The following RBFOX1 variants were observed in gnomAD, a reference collection of about 807,000 sequenced individuals.
The protein encoded by RBFOX1 is RNA binding fox-1 homolog 1.
RBFOX1 carries 8 observed loss-of-function variants against 57.7 expected under a neutral mutation model. The ratio of observed to expected loss-of-function variants is 0.14; its 90% CI spans 0.08 to 0.25. The LOEUF (loss-of-function observed/expected upper bound fraction) is 0.25, where lower values mean the gene tolerates loss of function less well. Ranked by LOEUF, RBFOX1 falls within the 10% of genes least tolerant of loss-of-function variation. The pLI is 1.00. For missense variants in RBFOX1, 611 were observed against 548.5 expected, an observed-to-expected ratio of 1.11 and a Z score of -1.14; for synonymous variants, 326 against 222.4, an observed-to-expected ratio of 1.47 and a Z score of -4.15.
rs145278209 is a variant in RBFOX1, at chr16:6,331,959, C to T, written c.-64+14902C>T. 7.2e-3 allele frequency among the ~76,000 whole-genome samples: 1,097 copies of T among 152,186 alleles called. 10 individuals are homozygous for T. The highest frequency in any genetic ancestry group is 0.023 in the African/African-American group (964 of 41,474). ...TTCTCATGCATGAGAGGCTGACATTCTTAATAGTTCTGTCACTCCTGTTAC... is the reference window on the plus strand; with the variant it reads ...TTCTCATGCATGAGAGGCTGACATTTTTAATAGTTCTGTCACTCCTGTTAC... On this transcript the variant is annotated intron_variant, in intron 2 of 15. Transcript: ENST00000550418.
At chr16:5,630,511 G>A (rs2048473521) in intron 3 of RBFOX1, among the ~76,000 whole-genome samples, 2 of 152,044 alleles carry the variant, frequency 1.3e-5, no homozygotes, top group African/African-American at 4.8e-5. Context: ...CATCAGATGT[G>A]CCCCACCATC....
chr16:5,775,660 A>G (rs1220197550), intron 3 of RBFOX1, among the ~76,000 whole-genome samples: 1 of 152,168 alleles, frequency 6.6e-6, no homozygotes, highest in Non-Finnish European at 1.5e-5. Flanking sequence ...GTGCCACTTC[A>G]GGGCTCCAGG....
chr16:5,991,510 A>G (rs975031384), intron 4 of RBFOX1, among the ~76,000 whole-genome samples: 1 of 152,176 alleles, frequency 6.6e-6, no homozygotes, highest in African/African-American at 2.4e-5. Context: ...CGGAAGTATT[A>G]TTTATTGATA....
chr16:7,542,329 T>G (rs1024222794), intron 5 of RBFOX1, among the ~76,000 whole-genome samples: 1 of 152,146 alleles, frequency 6.6e-6, no homozygotes, highest in African/African-American at 2.4e-5. Context: ...TAACTTGTGT[T>G]TGAAAGCATA....
chr16:5,249,332 C>T (rs1286100418), intron 1 of RBFOX1, among the ~76,000 whole-genome samples: 2 of 152,206 alleles, frequency 1.3e-5, no homozygotes, highest in African/African-American at 2.4e-5. Context: ...CCCACCTTGT[C>T]CCTCAGACCG....
At chr16:6,845,732 C>G (rs896875211) in intron 3 of RBFOX1, among the ~76,000 whole-genome samples, 2 of 152,174 alleles carry the variant, frequency 1.3e-5, no homozygotes, top group Non-Finnish European at 2.9e-5. Context: ...CCATGTACCT[C>G]CTTCCTGACC....
chr16:6,795,522 C>A (rs1425255288), intron 3 of RBFOX1, among the ~76,000 whole-genome samples: 1 of 152,048 alleles, frequency 6.6e-6, no homozygotes, highest in African/African-American at 2.4e-5. Context: ...AATCCCAGCA[C>A]TTTGGGAGGC....
intron 3 of RBFOX1, among the ~76,000 whole-genome samples, chr16:5,617,235 G>C (rs57706810): frequency 0.073 from 11,068 of 152,144 alleles, 1,343 homozygotes; most frequent in African/African-American, 0.25. Flanking sequence ...TTAGCACATG[G>C]CATTCCTCTA....
intron 3 of RBFOX1, among the ~76,000 whole-genome samples, chr16:5,682,913 C>G (rs1052401762): frequency 6.6e-6 from 1 of 152,134 alleles, no homozygotes; most frequent in African/African-American, 2.4e-5. Context: ...GTGCAGACCC[C>G]AAAGCTCCCA....
chr16:6,663,806 G>C (rs12325049), intron 3 of RBFOX1, among the ~76,000 whole-genome samples: 35,755 of 152,154 alleles, frequency 0.23, 4,596 homozygotes, highest in African/African-American at 0.33. Flanking sequence ...TCTGAAGGGA[G>C]ATGGGGTGGA....
chr16:7,300,276 C>G (rs1262073267), intron 4 of RBFOX1, among the ~76,000 whole-genome samples: 5 of 152,096 alleles, frequency 3.3e-5, no homozygotes, highest in Non-Finnish European at 5.9e-5. Context: ...TTTGTCCGGC[C>G]CCACTGATGC....
rs375875740 is a variant in RBFOX1 at position 6,710,156 on chromosome 16, G to T, written c.-16+55506G>T. Among the ~76,000 whole-genome samples the T allele has an allele frequency of 3.3e-5, 5 of 152,266 alleles. No homozygotes were observed. In the East Asian group the frequency reaches 9.6e-4, roughly 29 times the overall value. On this transcript the variant is annotated intron_variant, in intron 3 of 15. Transcript: ENST00000550418. ...TGAGGGGAGTCCAAATCCAAGCCGTGTGTCTCTAGAACTGTAGTTTCTAAT... is the reference window on the plus strand; with the variant it reads ...TGAGGGGAGTCCAAATCCAAGCCGTTTGTCTCTAGAACTGTAGTTTCTAAT...
chr16:6,344,875 G>C (rs376154097), intron 2 of RBFOX1, among the ~76,000 whole-genome samples: 2 of 151,148 alleles, frequency 1.3e-5, no homozygotes, highest in African/African-American at 4.9e-5. Flanking sequence ...ATTTTTAGTA[G>C]ACACGAGGTT....
At chr16:7,226,096 A>G (rs746508535) in intron 4 of RBFOX1, among the ~76,000 whole-genome samples, 1 of 152,006 alleles carries the variant, frequency 6.6e-6, no homozygotes, top group African/African-American at 2.4e-5. Flanking sequence ...CCCTCAACTC[A>G]GGACTGAGAT....
intron 4 of RBFOX1, among the ~76,000 whole-genome samples, chr16:7,374,411 T>C (rs1290835164): frequency 6.6e-6 from 1 of 152,238 alleles, no homozygotes; most frequent in East Asian, 1.9e-4. Context: ...TTGCTAGTTA[T>C]GCTGGATTAT....
chr16:6,643,560 C>T (rs1443327535), intron 2 of RBFOX1, among the ~76,000 whole-genome samples: 3 of 152,134 alleles, frequency 2.0e-5, no homozygotes, highest in Non-Finnish European at 4.4e-5. Flanking sequence ...CCAGAACACC[C>T]TCGTTATCTT....
intron 3 of RBFOX1, among the ~76,000 whole-genome samples, chr16:5,690,518 G>A (rs1430963500): frequency 2.0e-5 from 3 of 152,056 alleles, no homozygotes; most frequent in African/African-American, 4.8e-5. Context: ...CATGATGGAG[G>A]CACTCAGTCC....
intron 5 of RBFOX1, among the ~76,000 whole-genome samples, chr16:7,574,044 C>T (rs1410906188): frequency 1.3e-5 from 2 of 152,038 alleles, no homozygotes; most frequent in Non-Finnish European, 2.9e-5. Flanking sequence ...ATGCTTTTGT[C>T]ATAACGTTCA....
chr16:5,766,534 G>A (rs113095099), intron 3 of RBFOX1, among the ~76,000 whole-genome samples: 6 of 152,224 alleles, frequency 3.9e-5, no homozygotes, highest in East Asian at 1.9e-4. Flanking sequence ...GCAGTGAGCC[G>A]AGATCACATC....
Sources: allele counts gnomAD v4.1 joint callset (sites outside exome capture counted in the v4.1 genomes callset), GRCh38; gene constraint gnomAD v4.1.1; transcripts MANE v1.5; gene names NCBI Gene and HGNC (gene_info 2026-07-23, HGNC 2026-07-21).